The following VCAN variants were observed in gnomAD, a reference collection of about 807,000 sequenced individuals.
The protein encoded by VCAN is versican core protein.
VCAN carries 44 observed loss-of-function variants against 245.5 expected under a neutral mutation model. The observed-to-expected ratio is 0.18, with a 90% CI of 0.14 to 0.23. The LOEUF is 0.23. VCAN is among the 10% of genes least tolerant of loss of function. The pLI, the probability that VCAN is intolerant of heterozygous loss-of-function variation, is 1.00. For missense variants in VCAN, 3,793 were observed against 4,057.9 expected (o/e 0.93, Z 1.77); for synonymous variants, 1,413 against 1,437.0 (o/e 0.98, Z 0.38).
At chr5:83,490,048 A>G in intron 2 of VCAN, 50 bp from the exon 3 acceptor site, 3 of 1,606,610 alleles carry the variant, frequency 1.9e-6, no homozygotes, top group South Asian at 1.1e-5. Context: ...TGAATAGATT[A>G]AGTTTGGGTT....
chr5:83,509,144 C>T (rs551494575), intron 5 of VCAN, among the ~76,000 whole-genome samples: 1 of 152,086 alleles, frequency 6.6e-6, no homozygotes, highest in South Asian at 2.1e-4. Context: ...TTAGGGATAA[C>T]AGAATTTAAT....
chr5:83,530,811 G>T (rs1666765649), intron 7 of VCAN, among the ~76,000 whole-genome samples: 1 of 151,764 alleles, frequency 6.6e-6, no homozygotes, highest in Non-Finnish European at 1.5e-5. Flanking sequence ...AGAAGTATTT[G>T]AACTTTTTTT....
intron 7 of VCAN, among the ~76,000 whole-genome samples, chr5:83,523,423 T>A (rs1221712250): frequency 7.2e-6 from 1 of 139,678 alleles, no homozygotes; most frequent in Non-Finnish European, 1.5e-5. Context: ...TTTTTTTTTT[T>A]AAGCAGGGTT....
chr5:83,577,738 A>C (rs1748534468), intron 13 of VCAN, among the ~76,000 whole-genome samples: 1 of 152,142 alleles, frequency 6.6e-6, no homozygotes, highest in Non-Finnish European at 1.5e-5. Flanking sequence ...GTATGGAACC[A>C]AGTTTATTAT....
At chr5:83,512,621 G>A in intron 6 of VCAN, 1 of 561,540 alleles carries the variant, frequency 1.8e-6, no homozygotes, top group Non-Finnish European at 3.1e-6. Context: ...GGAAATATCA[G>A]GTTAAGCTGT....
rs755455076 is a variant in VCAN, at chr5:83,538,988, C to T, written c.5985C>T (p.Ser1995=). The T allele has an allele frequency of 6.2e-7, 1 of 1,613,996 alleles. No individual in the cohort carries two copies. Among genetic ancestry groups the T allele is most frequent in the South Asian group, 1.1e-5 (1 of 91,086 alleles). The part of the protein sequence containing the change: ...DSEGPSSTMV[S]TSAFPWEEFT... ...AAGGACCCAGTAGCACCATGGTCAG[C>T]ACTTCAGCCTTCCCCTGGGAAGAGT... Residue 1995 remains serine (S), a synonymous_variant, in exon 8 of 15, where the codon AGC becomes AGT. Transcript: ENST00000265077.
intron 3 of VCAN, among the ~76,000 whole-genome samples, chr5:83,490,828 A>G (rs1347714081): frequency 1.3e-5 from 2 of 152,186 alleles, no homozygotes; most frequent in Non-Finnish European, 2.9e-5. Flanking sequence ...AAATTATTAC[A>G]TATGTGTGTA....
intron 3 of VCAN, among the ~76,000 whole-genome samples, chr5:83,491,392 A>T (rs1203201030): frequency 6.6e-6 from 1 of 152,214 alleles, no homozygotes; most frequent in Non-Finnish European, 1.5e-5. Context: ...GTGTAGCCAA[A>T]AGGAAATACT....
intron 1 of VCAN, among the ~76,000 whole-genome samples, chr5:83,474,531 G>A (rs1366616250): frequency 6.6e-6 from 1 of 152,198 alleles, no homozygotes; most frequent in Non-Finnish European, 1.5e-5. Context: ...CGCTCACCTC[G>A]CGCCAAGGGA....
chr5:83,479,097 C>A (rs924693320), intron 1 of VCAN, among the ~76,000 whole-genome samples: 8 of 152,116 alleles, frequency 5.3e-5, no homozygotes, highest in Non-Finnish European at 7.3e-5. Flanking sequence ...ACCTAAATCA[C>A]GTGATTTCTC....
intron 7 of VCAN, 91 bp from the exon 8 acceptor site, chr5:83,536,916 G>A (rs910341748): frequency 8.5e-6 from 9 of 1,053,332 alleles, no homozygotes. Context: ...TTCTTTGTGT[G>A]TGTGGGTGTG....
intron 12 of VCAN, among the ~76,000 whole-genome samples, chr5:83,567,461 C>T (rs540381800): frequency 1.0e-4 from 14 of 138,122 alleles, no homozygotes; most frequent in East Asian, 2.2e-4. Context: ...CCACTACGTC[C>T]GGCTAATTTT....
chr5:83,547,621 C>G (rs647873), intron 9 of VCAN, among the ~76,000 whole-genome samples: 85,362 of 151,788 alleles, frequency 0.56, 24,279 homozygotes, highest in African/African-American at 0.64. Flanking sequence ...AAGGCTGGGG[C>G]TGTTGATTCT....
At position 83,520,195 on chromosome 5, in the gene VCAN, G is replaced by C; in HGVS notation, c.1889G>C (p.Arg630Thr). The C allele has an allele frequency of 6.2e-7, 1 of 1,614,016 alleles. No homozygotes were observed. The highest frequency in any genetic ancestry group is 8.5e-7 in the Non-Finnish European group (1 of 1,179,966). The change falls in exon 7 of 15, where the codon AGG becomes ACG. Residue 630 changes from arginine (R) to threonine (T), a missense_variant. Physicochemically the swap from Arg to Thr is moderately conservative, Grantham distance 71 (BLOSUM62 -1). Transcript: ENST00000265077. ...DDWEERQTSGRITEEFLGKYL... is the reference protein window; with the variant it reads ...DDWEERQTSGTITEEFLGKYL... Reference sequence around the variant, plus strand: ...TGGGAAGAGAGACAAACTAGTGGTAGGATAACGGAAGAGTTTCTTGGCAAA... The same window carrying C: ...TGGGAAGAGAGACAAACTAGTGGTACGATAACGGAAGAGTTTCTTGGCAAA...
chr5:83,530,049 A>G (rs762905486), intron 7 of VCAN, among the ~76,000 whole-genome samples: 2 of 152,112 alleles, frequency 1.3e-5, no homozygotes, highest in African/African-American at 2.4e-5. Flanking sequence ...CGAACCCGAC[A>G]TAGGTTGTGT....
chr5:83,564,566 A>G (rs984359950), intron 12 of VCAN, among the ~76,000 whole-genome samples: 2 of 152,162 alleles, frequency 1.3e-5, no homozygotes, highest in Non-Finnish European at 2.9e-5. Context: ...AAATATTAGG[A>G]CCTATCTGTC....
intron 7 of VCAN, among the ~76,000 whole-genome samples, chr5:83,535,070 T>G (rs1746655290): frequency 1.3e-5 from 2 of 152,108 alleles, no homozygotes; most frequent in Admixed American, 6.6e-5. Context: ...TTTCCTGCAC[T>G]GAGCAATTAG....
At chr5:83,474,660 G>C (rs1484100993) in intron 1 of VCAN, among the ~76,000 whole-genome samples, 1 of 152,094 alleles carries the variant, frequency 6.6e-6, no homozygotes. Context: ...CAGTACAGCC[G>C]CACAGGCGGC....
rs251124 is a variant in VCAN, at chr5:83,509,605, C to A, written c.749-2498C>A. The stretch of plus-strand genomic sequence containing the variant: ...TGTTACTTAAGAGGAATGGTAGTTT[C>A]GCCTTAAGGTAGGAGTATCTCAGGA... On this transcript the variant is annotated intron_variant, in intron 5 of 14. Transcript: ENST00000265077. 2.6e-5 allele frequency among the ~76,000 whole-genome samples: 4 copies of A among 152,018 alleles called. No individual in the cohort carries two copies. In the South Asian group the frequency reaches 8.3e-4, roughly 32 times the overall value.
Sources: gnomAD v4.1 joint callset for allele counts (sites outside exome capture counted in the v4.1 genomes callset) on GRCh38, gnomAD v4.1.1 for gene constraint, MANE v1.5 for transcripts, NCBI Gene and HGNC (gene_info 2026-07-23, HGNC 2026-07-21) for gene names.